ROBO2: variants seen among roughly 807,000 people sequenced by gnomAD.
ROBO2 encodes roundabout guidance receptor 2.
Under a neutral mutation model 160.8 loss-of-function variants are expected in ROBO2, and 53 were observed. The ratio of observed to expected loss-of-function variants is 0.33; its 90% CI spans 0.26 to 0.41. The LOEUF (loss-of-function observed/expected upper bound fraction) is 0.41. ROBO2 is among the 10% of genes least tolerant of loss of function. The probability of loss-of-function intolerance (pLI) is 1.00; values close to 1 mark genes in which losing one functional copy is unlikely to be tolerated. For missense variants in ROBO2, 1,577 were observed against 1,722.4 expected, an observed-to-expected ratio of 0.92 and a Z score of 1.49; for synonymous variants, 664 against 611.7, an observed-to-expected ratio of 1.09 and a Z score of -1.26.
intron 2 of ROBO2, among the ~76,000 whole-genome samples, chr3:77,114,668 T>A (rs2150210350): frequency 6.6e-6 from 1 of 152,348 alleles, no homozygotes. Context: ...CTTGTACCAG[T>A]ACTTCTGGTC....
intron 2 of ROBO2, among the ~76,000 whole-genome samples, chr3:76,209,257 C>T (rs1702994176): frequency 1.3e-5 from 2 of 152,150 alleles, no homozygotes; most frequent in South Asian, 4.1e-4. Context: ...TCCTGTCAGA[C>T]CTACCTAGAT....
chr3:75,927,963 A>G (rs1043799203), intron 1 of ROBO2, among the ~76,000 whole-genome samples: 4 of 144,286 alleles, frequency 2.8e-5, no homozygotes, highest in Non-Finnish European at 4.5e-5. Context: ...GCCTTTCTTT[A>G]ATGATTTTCT....
At chr3:77,094,282 A>G (rs1373089846) in intron 1 of ROBO2, among the ~76,000 whole-genome samples, 6 of 152,144 alleles carry the variant, frequency 3.9e-5, no homozygotes, top group Non-Finnish European at 8.8e-5. Context: ...CCTTTCACTT[A>G]TATTTTCAAA....
intron 2 of ROBO2, among the ~76,000 whole-genome samples, chr3:76,184,594 T>TA (rs1553669360): frequency 0.016 from 1,964 of 124,834 alleles, 12 homozygotes; most frequent in East Asian, 0.088. Flanking sequence ...GATAGATAGA[T>TA]AAGAGGGGAT....
intron 2 of ROBO2, among the ~76,000 whole-genome samples, chr3:76,728,924 C>G (rs183574378): frequency 6.6e-6 from 1 of 151,294 alleles, no homozygotes; most frequent in Admixed American, 6.6e-5. Context: ...TTTTTTTATT[C>G]ATTTATTCTT....
At chr3:77,107,278 G>A (rs1243271813) in intron 2 of ROBO2, among the ~76,000 whole-genome samples, 4 of 152,090 alleles carry the variant, frequency 2.6e-5, no homozygotes, top group African/African-American at 4.8e-5. Flanking sequence ...GGATATAAAC[G>A]TTCTGACCAC....
intron 2 of ROBO2, among the ~76,000 whole-genome samples, chr3:76,965,732 CA>C (rs1441486099): frequency 1.4e-5 from 2 of 145,860 alleles, no homozygotes; most frequent in Non-Finnish European, 3.0e-5. Flanking sequence ...AAGAAACTTC[CA>C]CAATGGTACT....
At chr3:76,535,183 G>A (rs1443685140) in intron 2 of ROBO2, among the ~76,000 whole-genome samples, 1 of 151,970 alleles carries the variant, frequency 6.6e-6, no homozygotes, top group East Asian at 1.9e-4. Flanking sequence ...ATTGAGGAGA[G>A]GAGACTATAG....
Position 76,049,403 on chromosome 3 carries a change from A to ATTTTTTTTTTTTTTTTTTTT in ROBO2, c.109+111803_109+111822dup, listed in dbSNP as rs1167852972. ...TTTTAGTATATATATATATATATAT[A>ATTTTTTTTTTTTTTTTTTTT]TTTTTTTTTTTTTTTTTTTTTGTAG... On this transcript the variant is annotated intron_variant, in intron 2 of 26. Coordinates refer to the ROBO2 transcript ENST00000487694. Among the ~76,000 whole-genome samples, 4 of 53,762 alleles carry ATTTTTTTTTTTTTTTTTTTT rather than the reference A, an allele frequency of 7.4e-5. 1 individual carries two copies. Among genetic ancestry groups the ATTTTTTTTTTTTTTTTTTTT allele is most frequent in the African/African-American group, 4.4e-4 (3 of 6,858 alleles). 35.3% of individuals were successfully genotyped at this position (53,762 alleles called of 152,430 possible).
chr3:77,558,005 G>A (rs1288442119), exon 9 of ROBO2: 2 of 1,613,178 alleles, frequency 1.2e-6, no homozygotes, highest in South Asian at 2.2e-5. Context: ...CGCTGGCAGT[G>A]GATGGTACAG....
intron 6 of ROBO2, among the ~76,000 whole-genome samples, chr3:77,529,018 T>A (rs1011481531): frequency 6.6e-6 from 1 of 151,548 alleles, no homozygotes; most frequent in African/African-American, 2.4e-5. Context: ...AAAGAGCTGA[T>A]GGTAGAATAC....
intron 2 of ROBO2, among the ~76,000 whole-genome samples, chr3:76,871,279 G>A (rs573187998): frequency 1.3e-5 from 2 of 152,274 alleles, no homozygotes; most frequent in African/African-American, 4.8e-5. Flanking sequence ...CTCTGGCCGG[G>A]CGCGGTGGCT....
At chr3:77,154,948 G>A (rs1228072579) in intron 2 of ROBO2, among the ~76,000 whole-genome samples, 1 of 151,722 alleles carries the variant, frequency 6.6e-6, no homozygotes, top group Non-Finnish European at 1.5e-5. Context: ...GGGATTATTT[G>A]TACTCCAAAC....
chr3:76,990,154 A>G (rs1321684641), intron 2 of ROBO2, among the ~76,000 whole-genome samples: 1 of 152,224 alleles, frequency 6.6e-6, no homozygotes, highest in Admixed American at 6.5e-5. Context: ...ATTTTAGGGT[A>G]GCTATTACAA....
In ROBO2 at chr3:77,642,007, A is replaced by T. The variant is rs140314542; in HGVS notation, c.3935-2697A>T. Among the ~76,000 whole-genome samples the T allele has an allele frequency of 2.9e-3, 436 of 152,298 alleles. 2 individuals are homozygous for T. Among genetic ancestry groups the T allele is most frequent in the African/African-American group, 0.01 (419 of 41,570 alleles). Reference sequence around the variant, plus strand: ...TAAAACACATTCAGTCTTTACTCTGAACATTGGTTATTACTTATTAAAATT... The same window carrying T: ...TAAAACACATTCAGTCTTTACTCTGTACATTGGTTATTACTTATTAAAATT... On this transcript the variant is annotated intron_variant, in intron 24 of 25. Coordinates refer to ENST00000461745, the Ensembl canonical transcript of ROBO2.
At chr3:76,069,850 T>C (rs1243356805) in intron 2 of ROBO2, among the ~76,000 whole-genome samples, 1 of 152,142 alleles carries the variant, frequency 6.6e-6, no homozygotes, top group Non-Finnish European at 1.5e-5. Context: ...GAACGTGGAT[T>C]GTGAAGATTT....
intron 5 of ROBO2, among the ~76,000 whole-genome samples, chr3:77,496,310 A>T (rs1260190035): frequency 6.6e-6 from 1 of 152,200 alleles, no homozygotes; most frequent in African/African-American, 2.4e-5. Context: ...TCAGTATTTC[A>T]TCATGAAAGA....
At chr3:76,235,662 C>T (rs774021138) in intron 2 of ROBO2, among the ~76,000 whole-genome samples, 4 of 152,126 alleles carry the variant, frequency 2.6e-5, no homozygotes, top group African/African-American at 7.2e-5. Flanking sequence ...ATTTGGAATA[C>T]GTGAACTTGT....
intron 2 of ROBO2, among the ~76,000 whole-genome samples, chr3:76,166,713 A>G (rs1007371373): frequency 1.3e-5 from 2 of 152,168 alleles, no homozygotes; most frequent in Non-Finnish European, 2.9e-5. Flanking sequence ...ATGAGAATAC[A>G]CTAGAGCATA....
Sources: gnomAD v4.1 joint callset for allele counts (sites outside exome capture counted in the v4.1 genomes callset) on GRCh38, gnomAD v4.1.1 for gene constraint, MANE v1.5 for transcripts, NCBI Gene and HGNC (gene_info 2026-07-23, HGNC 2026-07-21) for gene names.